The following DKKL1 variants were observed in gnomAD, a reference collection of about 807,000 sequenced individuals.
DKKL1 encodes the protein dickkopf like acrosomal protein 1.
A neutral mutation model predicts 16.5 loss-of-function variants in DKKL1; 11 were observed. The observed-to-expected ratio is 0.67, with a 90% CI of 0.42 to 1.10. DKKL1 has a LOEUF of 1.10. Among genes scored for constraint, DKKL1 ranks in the 50% least tolerant of loss-of-function variants. The pLI, the probability that DKKL1 is intolerant of heterozygous loss-of-function variation, is 0.00. For synonymous variants in DKKL1, 119 were observed against 133.2 expected (o/e 0.89, Z 0.73); for missense variants, 320 against 308.1 (o/e 1.04, Z -0.29).
At chr19:49,368,961 T>C (rs926318961) in intron 4 of DKKL1, 3 of 152,226 alleles carry the variant, frequency 2.0e-5, no homozygotes, top group Admixed American at 6.5e-5. Context: ...TTGTTCTCCA[T>C]TGCCTTTACC....
chr19:49,364,851 G>C, intron 2 of DKKL1, 97 bp downstream of exon 2: 1 of 1,452,290 alleles, frequency 6.9e-7, no homozygotes, highest in East Asian at 2.3e-5. Flanking sequence ...GGACAGACAG[G>C]ATGAGAGGGC....
intron 4 of DKKL1, among the ~76,000 whole-genome samples, chr19:49,373,918 G>A (rs1022203432): frequency 6.6e-6 from 1 of 151,364 alleles, no homozygotes; most frequent in Admixed American, 6.6e-5. Context: ...GAATTGCAAG[G>A]ACCAAACAGA....
chr19:49,366,181 T>G (rs1343024192), intron 4 of DKKL1, among the ~76,000 whole-genome samples: 1 of 152,206 alleles, frequency 6.6e-6, no homozygotes, highest in Non-Finnish European at 1.5e-5. Flanking sequence ...TCTGCCCATC[T>G]TGGCCTTCCA....
chr19:49,365,484 T>A, intron 2 of DKKL1, 25 bp from the exon 3 acceptor site: 2 of 1,573,972 alleles, frequency 1.3e-6, no homozygotes, highest in Non-Finnish European at 1.7e-6. Flanking sequence ...GTCCAGCAGC[T>A]CACCAGTCCC....
chr19:49,365,359 G>T, intron 2 of DKKL1, 150 bp from the exon 3 acceptor site: 1 of 860,588 alleles, frequency 1.2e-6, no homozygotes, highest in Non-Finnish European at 1.7e-6. Context: ...GGAGGCCGGA[G>T]GTTAGGCCCT....
Position 49,363,889 on chromosome 19 carries a change from G to T in DKKL1, c.-110G>T, listed in dbSNP as rs947662378. On this transcript the variant is annotated 5_prime_UTR_variant, in exon 1 of 5. Transcript: ENST00000221498. The stretch of plus-strand genomic sequence containing the variant: ...AACGCTCTAGACCAGACCTGGGCTC[G>T]AGACCATAACTGTTTGGCTTTAACA... The T allele has an allele frequency of 2.0e-6, 3 of 1,480,124 alleles. No homozygotes were observed. The highest frequency in any genetic ancestry group is 2.0e-5 in the Admixed American group (1 of 50,956). 91.7% of individuals were successfully genotyped at this position (1,480,124 alleles called of 1,614,324 possible).
chr19:49,364,779 G>A (rs140685187), intron 2 of DKKL1, 25 bp downstream of exon 2: 345 of 1,605,702 alleles, frequency 2.1e-4, no homozygotes, highest in Non-Finnish European at 4.5e-5. Context: ...GGGGATGGGG[G>A]AAGAAGTACT....
chr19:49,367,173 C>T (rs536442837), intron 4 of DKKL1, among the ~76,000 whole-genome samples: 50 of 151,860 alleles, frequency 3.3e-4, no homozygotes, highest in Non-Finnish European at 5.9e-4. Flanking sequence ...ACTACAAGTA[C>T]GTGCCACCAC....
chr19:49,374,619 C>A, intron 4 of DKKL1, 98 bp from the exon 5 acceptor site: 1 of 1,158,738 alleles, frequency 8.6e-7, no homozygotes, highest in Non-Finnish European at 1.2e-6. Context: ...CACAAAGCAT[C>A]CTGTCATCTG....
intron 3 of DKKL1, 48 bp from the exon 4 acceptor site, chr19:49,365,744 CG>C (rs1568592264): frequency 6.2e-7 from 1 of 1,603,724 alleles, no homozygotes; most frequent in Admixed American, 1.7e-5. Flanking sequence ...GGAAGGAGGG[CG>C]GAGGAGGAAA....
intron 4 of DKKL1, among the ~76,000 whole-genome samples, chr19:49,373,292 G>A (rs1197731573): frequency 8.2e-6 from 1 of 122,554 alleles, no homozygotes; most frequent in African/African-American, 3.3e-5. Flanking sequence ...TACAGAGTGA[G>A]ACTCCATCTC....
In DKKL1 at chr19:49,374,826, G is replaced by A. The variant is rs144902139; in HGVS notation, c.527G>A (p.Arg176Gln). ...GCCTTCTGGATCATTAAGCTGCCAC[G>A]GCGGAGGTCCCACCAGGATGCCCTG... ...RVAFWIIKLP[R>Q]RRSHQDALEG... Residue 176 changes from arginine to glutamine, a missense_variant, in exon 5 of 5, where the codon CGG (arginine) becomes CAG (glutamine). Transcript: ENST00000221498. 2.2e-5 allele frequency: 36 copies of A among 1,613,420 alleles called. No homozygotes were observed. The highest frequency in any genetic ancestry group is 1.6e-4 in the Middle Eastern group (1 of 6,080).
chr19:49,373,156 T>A (rs1437174572), intron 4 of DKKL1, among the ~76,000 whole-genome samples: 1 of 151,066 alleles, frequency 6.6e-6, no homozygotes, highest in Admixed American at 6.6e-5. Flanking sequence ...ATGCAAAAAT[T>A]AGCTGGCATG....
upstream of DKKL1, chr19:49,361,303 G>A (rs907563497): frequency 6.6e-6 from 1 of 152,164 alleles, no homozygotes; most frequent in Admixed American, 6.6e-5. Context: ...GAGGGGACCA[G>A]AGACCCAGAG....
In DKKL1 at chr19:49,364,566, C is replaced by A. The variant is rs766861522; in HGVS notation, c.11-16C>A. On this transcript the variant is annotated splice_polypyrimidine_tract_variant and intron_variant, in intron 1 of 4. Coordinates refer to ENST00000221498, the MANE Select transcript of DKKL1 (RefSeq NM_014419.4). Reference sequence around the variant, plus strand: ...GTGGCCACTGTGCGGGGCTCTGACCCCGACCCTTGCCACAGCCTCCCCACC... The same window carrying A: ...GTGGCCACTGTGCGGGGCTCTGACCACGACCCTTGCCACAGCCTCCCCACC... 3 of 1,603,454 alleles carry A rather than the reference C, an allele frequency of 1.9e-6. No homozygotes were observed. Among genetic ancestry groups the A allele is most frequent in the Non-Finnish European group, 2.6e-6 (3 of 1,175,400 alleles).
intron 1 of DKKL1, 83 bp from the exon 2 acceptor site, chr19:49,364,499 G>A (rs1973172635): frequency 3.9e-6 from 5 of 1,284,294 alleles, no homozygotes; most frequent in Non-Finnish European, 2.1e-6. Flanking sequence ...CTGGGGAGGC[G>A]ACCTGGGCAA....
upstream of DKKL1, among the ~76,000 whole-genome samples, chr19:49,360,801 G>GA (rs1037274912): frequency 4.1e-5 from 3 of 74,042 alleles, no homozygotes; most frequent in African/African-American, 1.2e-4. Context: ...GACCAGCAAG[G>GA]GGGGGGGACA....
intron 4 of DKKL1, chr19:49,368,620 C>T (rs1012659237): frequency 3.9e-5 from 6 of 152,134 alleles, no homozygotes; most frequent in African/African-American, 1.2e-4. Context: ...GCCATCTTGG[C>T]TCACAGCAAC....
rs1414207431 is a variant in DKKL1, at chr19:49,365,509, G to A, written c.184G>A (p.Gly62Ser). Residue 62 changes from glycine (G) to serine (S), a missense_variant and splice_region_variant, in exon 3 of 5, where the codon GGT (glycine) becomes AGT (serine). Gly to Ser is a moderately conservative substitution (Grantham distance 56). Transcript: ENST00000221498. Reference sequence around the variant, plus strand: ...TCACCAGTCCCTCCTCCGGCCCCAGGGTAACCTGCTTCGGGGCATAGACAG... The same window carrying A: ...TCACCAGTCCCTCCTCCGGCCCCAGAGTAACCTGCTTCGGGGCATAGACAG... ...LQGFSRLFLK[G>S]NLLRGIDSLF... is the part of the protein sequence containing the mutation. The A allele has an allele frequency of 6.2e-7, 1 of 1,600,320 alleles. No individual in the cohort carries two copies. The highest frequency in any genetic ancestry group is 1.1e-5 in the South Asian group (1 of 89,296).
Sources: allele counts gnomAD v4.1 joint callset (sites outside exome capture counted in the v4.1 genomes callset), GRCh38; gene constraint gnomAD v4.1.1; transcripts MANE v1.5; gene names NCBI Gene and HGNC (gene_info 2026-07-23, HGNC 2026-07-21).